Variants in RIPK1 observed in about 807,000 individuals in gnomAD.
RIPK1 encodes the protein receptor interacting serine/threonine kinase 1, also known as receptor-interacting serine/threonine-protein kinase 1.
In RIPK1, 27 loss-of-function variants were observed where a neutral mutation model predicts 62.4. The ratio of observed to expected loss-of-function variants is 0.43; its 90% CI spans 0.32 to 0.60. RIPK1 has a LOEUF of 0.60. RIPK1 is among the 20% of genes least tolerant of loss of function. RIPK1 has a pLI of 0.07. For missense variants in RIPK1, 735 were observed against 831.0 expected (o/e 0.88, Z 1.42); for synonymous variants, 287 against 303.2 (o/e 0.95, Z 0.55).
At chr6:3,083,677 C>A (rs926033811) in intron 5 of RIPK1, among the ~76,000 whole-genome samples, 2 of 152,128 alleles carry the variant, frequency 1.3e-5, no homozygotes, top group South Asian at 4.1e-4. Context: ...ATGAGTAAGT[C>A]GTGGCTTGTG....
intron 6 of RIPK1, chr6:3,088,761 T>C (rs1282858798): frequency 6.6e-6 from 1 of 152,292 alleles, no homozygotes; most frequent in Admixed American, 6.5e-5. Context: ...CTGCCTAACT[T>C]CCAAGATCAG....
chr6:3,098,709 C>T (rs1760440067), intron 7 of RIPK1, among the ~76,000 whole-genome samples: 1 of 152,170 alleles, frequency 6.6e-6, no homozygotes, highest in Admixed American at 6.5e-5. Flanking sequence ...CAAGGATAAT[C>T]AAATAGATTA....
intron 7 of RIPK1, among the ~76,000 whole-genome samples, chr6:3,095,846 CTTT>C (rs34808064): frequency 2.1e-4 from 29 of 137,108 alleles, no homozygotes; most frequent in East Asian, 2.1e-4. Flanking sequence ...TGTTAACAGC[CTTT>C]TTTTTTTTTT....
At position 3,068,510 on chromosome 6, in the gene RIPK1, C is replaced by A. The variant is rs2113529363; in HGVS notation, c.-212C>A. On this transcript the variant is annotated 5_prime_UTR_variant, in exon 1 of 11. Coordinates refer to ENST00000259808, the MANE Select transcript of RIPK1 (RefSeq NM_001354930.2). ...AGCGCGAACAGTCCACGCCCTCCAG[C>A]CGGGCGCGCTCGACGCGGACGGCGG... 4 of 985,258 alleles carry A rather than the reference C, an allele frequency of 4.1e-6. No individual in the cohort carries two copies. Among genetic ancestry groups the A allele is most frequent in the African/African-American group, 1.7e-5 (1 of 57,338 alleles). 61.0% of individuals were successfully genotyped at this position (985,258 alleles called of 1,614,324 possible).
At chr6:3,102,561 T>C (rs1760633695) in intron 7 of RIPK1, among the ~76,000 whole-genome samples, 1 of 152,160 alleles carries the variant, frequency 6.6e-6, no homozygotes, top group African/African-American at 2.4e-5. Context: ...GGTATATATA[T>C]CCGGGTGTGG....
intron 3 of RIPK1, among the ~76,000 whole-genome samples, chr6:3,080,204 A>G (rs376854308): frequency 2.0e-5 from 3 of 152,306 alleles, no homozygotes; most frequent in African/African-American, 7.2e-5. Flanking sequence ...TTTCCTGTTA[A>G]CCAACGACCA....
intron 9 of RIPK1, among the ~76,000 whole-genome samples, chr6:3,109,644 C>CA (rs1221790350): frequency 6.6e-6 from 1 of 152,098 alleles, no homozygotes; most frequent in Non-Finnish European, 1.5e-5. Flanking sequence ...TGGTAAAATT[C>CA]AAAAACATAA....
At chr6:3,081,578 C>T (rs963306959) in intron 4 of RIPK1, among the ~76,000 whole-genome samples, 6 of 152,000 alleles carry the variant, frequency 3.9e-5, no homozygotes, top group Non-Finnish European at 7.4e-5. Context: ...GTGAGATCAG[C>T]GGCCGGGTGC....
chr6:3,077,965 C>T (rs374603915), intron 3 of RIPK1, 30 bp downstream of exon 3: 9 of 1,610,130 alleles, frequency 5.6e-6, no homozygotes, highest in Non-Finnish European at 7.6e-6. Flanking sequence ...ACGGGGATCC[C>T]CAGCGCTTGG....
intron 7 of RIPK1, among the ~76,000 whole-genome samples, chr6:3,090,682 G>T (rs950200763): frequency 6.6e-6 from 1 of 152,194 alleles, no homozygotes; most frequent in Middle Eastern, 3.4e-3. Context: ...AATCAGTAAG[G>T]ATATAGAAGA....
chr6:3,097,155 G>A (rs1463841745), intron 7 of RIPK1, among the ~76,000 whole-genome samples: 1 of 152,166 alleles, frequency 6.6e-6, no homozygotes, highest in Non-Finnish European at 1.5e-5. Context: ...ACAGGTGTGA[G>A]CCACCACGCC....
At chr6:3,065,288 A>G (rs1263351008), upstream of RIPK1, among the ~76,000 whole-genome samples, 1 of 144,546 alleles carries the variant, frequency 6.9e-6, no homozygotes, top group Non-Finnish European at 1.5e-5. Flanking sequence ...AAAAAAAAAA[A>G]AAAGACACGG....
chr6:3,072,817 A>G lies in RIPK1; in HGVS notation c.-60-3947A>G, dbSNP rs114105291. 2.7e-3 allele frequency among the ~76,000 whole-genome samples: 413 copies of G among 152,312 alleles called. 3 individuals carry two copies. The highest frequency in any genetic ancestry group is 9.3e-3 in the African/African-American group (385 of 41,576). On this transcript the variant is annotated intron_variant, in intron 1 of 10. Coordinates refer to ENST00000259808, the MANE Select transcript of RIPK1 (RefSeq NM_001354930.2). The surrounding 1 kb of genome is among the most constrained non-coding windows in gnomAD (Gnocchi z 5.6). ...GGGTGGGGCGGATGACCCTTATGGA[A>G]TGGGGAAGGCTTCACAGTTCTGCCT...
At position 3,085,574 on chromosome 6, in the gene RIPK1, C is replaced by T. The variant is rs1177764816; in HGVS notation, c.838+166C>T. Among the ~76,000 whole-genome samples the T allele has an allele frequency of 2.6e-5, 4 of 152,166 alleles. No homozygotes were observed. In the East Asian group the frequency reaches 7.7e-4, roughly 29 times the overall value. ...AAACATGTTATTCAGTGCAAAGAAG[C>T]CCTCTCTCTCAAAAGCATGATGGCA... On this transcript the variant is annotated intron_variant, in intron 6 of 10. Transcript: ENST00000259808.
At chr6:3,076,612 C>T (rs1759060414) in intron 1 of RIPK1, among the ~76,000 whole-genome samples, 152 bp from the exon 2 acceptor site, 1 of 149,798 alleles carries the variant, frequency 6.7e-6, no homozygotes, top group African/African-American at 2.5e-5. Context: ...CCCAGGAGGT[C>T]GAGGCTCCAG....
Position 3,113,102 on chromosome 6 carries a change from T to G in RIPK1, c.1779T>G (p.Asn593Lys). 6.2e-7 allele frequency: 1 copy of G among 1,600,482 alleles called. No homozygotes were observed. Among genetic ancestry groups the G allele is most frequent in the Non-Finnish European group, 8.5e-7 (1 of 1,171,174 alleles). The change falls in exon 11 of 11, where the codon AAT becomes AAG. Residue 593 changes from asparagine (N) to lysine (K), a missense_variant. By Grantham distance (94) the Asn-to-Lys change is moderately conservative. Coordinates refer to ENST00000259808, the MANE Select transcript of RIPK1 (RefSeq NM_001354930.2). The surrounding 1 kb of genome is among the most constrained non-coding windows in gnomAD (Gnocchi z 5.0). ...TDKHLDPIRE[N>K]LGKHWKNCAR... ...AACACCTGGACCCAATCAGGGAAAA[T>G]CTGGGAAAGCACTGGAAAAACTGTG...
chr6:3,112,252 T>C (rs1483442541), intron 10 of RIPK1, among the ~76,000 whole-genome samples: 2 of 152,208 alleles, frequency 1.3e-5, no homozygotes, highest in East Asian at 3.8e-4. Flanking sequence ...TCACGCCTGC[T>C]GGACAATTCC....
intron 9 of RIPK1, among the ~76,000 whole-genome samples, chr6:3,110,400 G>C (rs992486679): frequency 6.6e-6 from 1 of 151,756 alleles, no homozygotes; most frequent in African/African-American, 2.4e-5. Flanking sequence ...GTAGAGAAGG[G>C]GTTTCACCAT....
intron 9 of RIPK1, among the ~76,000 whole-genome samples, chr6:3,106,283 T>G (rs1561775131): frequency 1.3e-5 from 2 of 152,318 alleles, no homozygotes; most frequent in South Asian, 2.1e-4. Context: ...TTACAGGTCC[T>G]TGTGACTGGC....
Sources: gnomAD v4.1 joint callset for allele counts (sites outside exome capture counted in the v4.1 genomes callset) on GRCh38, gnomAD v4.1.1 for gene constraint, Gnocchi (gnomAD v3.1) non-coding constraint, MANE v1.5 for transcripts, NCBI Gene and HGNC (gene_info 2026-07-23, HGNC 2026-07-21) for gene names.